GPR149: variants seen among roughly 807,000 people sequenced by gnomAD.
GPR149 encodes probable G protein-coupled receptor 149.
Under a neutral mutation model 50.2 loss-of-function variants are expected in GPR149, and 50 were observed. The observed-to-expected ratio is 1.00, with a 90% CI of 0.79 to 1.26. GPR149 has a LOEUF of 1.26. GPR149 is among the 50% of genes most tolerant of loss of function. The probability of loss-of-function intolerance (pLI) is 0.00; values close to 1 mark genes in which losing one functional copy is unlikely to be tolerated. For synonymous variants in GPR149, 405 were observed against 358.2 expected (o/e 1.13, Z -1.48); for missense variants, 983 against 895.4 (o/e 1.10, Z -1.25).
At chr3:154,366,334 T>C (rs575477499) in intron 3 of GPR149, among the ~76,000 whole-genome samples, 1 of 152,198 alleles carries the variant, frequency 6.6e-6, no homozygotes, top group African/African-American at 2.4e-5. Context: ...ACATGACAGA[T>C]AGCAGACCCT....
intron 3 of GPR149, among the ~76,000 whole-genome samples, chr3:154,420,499 C>T (rs987360304): frequency 4.6e-5 from 7 of 151,932 alleles, no homozygotes; most frequent in Admixed American, 2.0e-4. Context: ...TGCAAATGCT[C>T]ACGAGAATGT....
At chr3:154,361,088 C>A (rs1035545404) in intron 3 of GPR149, among the ~76,000 whole-genome samples, 1 of 152,062 alleles carries the variant, frequency 6.6e-6, no homozygotes, top group Non-Finnish European at 1.5e-5. Context: ...GACAAAGTCT[C>A]CAAAATCTTC....
intron 3 of GPR149, among the ~76,000 whole-genome samples, chr3:154,385,539 T>G (rs1015280956): frequency 6.6e-6 from 1 of 152,142 alleles, no homozygotes; most frequent in African/African-American, 2.4e-5. Context: ...GATTAGGCTT[T>G]TTACCAGCTG....
intron 3 of GPR149, among the ~76,000 whole-genome samples, chr3:154,407,616 G>A (rs1339035429): frequency 2.0e-5 from 3 of 151,490 alleles, no homozygotes; most frequent in Non-Finnish European, 2.9e-5. Flanking sequence ...TTAATATGGG[G>A]TGATTAATAT....
chr3:154,386,413 G>A (rs1311080287), intron 3 of GPR149, among the ~76,000 whole-genome samples: 1 of 152,230 alleles, frequency 6.6e-6, no homozygotes, highest in Non-Finnish European at 1.5e-5. Flanking sequence ...CATACCTGAT[G>A]TCAAGGGCAT....
At chr3:154,420,853 A>G (rs1309853787) in intron 3 of GPR149, among the ~76,000 whole-genome samples, 186 bp downstream of exon 3, 1 of 151,982 alleles carries the variant, frequency 6.6e-6, no homozygotes, top group Non-Finnish European at 1.5e-5. Flanking sequence ...TTTTAAACTG[A>G]TTAAAAGAAT....
At chr3:154,348,892 C>T (rs1713996879) in intron 3 of GPR149, among the ~76,000 whole-genome samples, 1 of 151,804 alleles carries the variant, frequency 6.6e-6, no homozygotes, top group Non-Finnish European at 1.5e-5. Context: ...TAAGACAAAC[C>T]CTAGGGAATT....
chr3:154,406,147 T>C (rs1402111814), intron 3 of GPR149, among the ~76,000 whole-genome samples: 2 of 152,040 alleles, frequency 1.3e-5, no homozygotes, highest in Admixed American at 1.3e-4. Context: ...AGATAGAAGT[T>C]CCTTAAATAT....
intron 3 of GPR149, among the ~76,000 whole-genome samples, chr3:154,397,457 G>A (rs9853300): frequency 0.25 from 38,419 of 152,006 alleles, 5,088 homozygotes; most frequent in South Asian, 0.32. Flanking sequence ...AATCTTGCAA[G>A]CTGATTATTA....
chr3:154,374,652 C>A (rs144965226), intron 3 of GPR149, among the ~76,000 whole-genome samples: 1 of 152,136 alleles, frequency 6.6e-6, no homozygotes, highest in African/African-American at 2.4e-5. Context: ...CATTGGCATG[C>A]CAAATTTATT....
rs1383954500 is a variant in GPR149 at position 154,337,940 on chromosome 3, A to C, written c.1955T>G (p.Leu652Arg). The C allele has an allele frequency of 1.2e-6, 2 of 1,613,342 alleles. No individual in the cohort carries two copies. Among genetic ancestry groups the C allele is most frequent in the Non-Finnish European group, 1.7e-6 (2 of 1,179,610 alleles). The stretch of plus-strand genomic sequence containing the variant: ...TCTGTTTTCTTTCCTGGAGTAACGT[A>C]GGGATGGAGATCTGACTTGTGTGGA... ...QSSTQVRSPS[L>R]RYSRKENRFV... The change falls in exon 4 of 4, where the codon CTA becomes CGA. Residue 652 changes from leucine (L) to arginine (R), a missense_variant. Coordinates refer to ENST00000389740, the MANE Select transcript of GPR149 (RefSeq NM_001038705.3).
In GPR149 at chr3:154,421,286, G is replaced by A. The variant is rs899808921; in HGVS notation, c.1376C>T (p.Thr459Met). Residue 459 changes from threonine to methionine, a missense_variant, in exon 3 of 4, where the codon ACG (threonine) becomes ATG (methionine). Coordinates refer to ENST00000389740, the MANE Select transcript of GPR149 (RefSeq NM_001038705.3). ...TTGTGTGGAGCTGTCCAGAGAGGGCGTGGTGCTGATTTCTACTTTTATAGC... is the reference window on the plus strand; with the variant it reads ...TTGTGTGGAGCTGTCCAGAGAGGGCATGGTGCTGATTTCTACTTTTATAGC... ...FNAIKVEIST[T>M]PSLDSSTQRG... 6 of 1,613,338 alleles carry A rather than the reference G, an allele frequency of 3.7e-6. No individual in the cohort carries two copies. Among genetic ancestry groups the A allele is most frequent in the Non-Finnish European group, 5.1e-6 (6 of 1,179,490 alleles).
At chr3:154,417,770 C>T (rs991835163) in intron 3 of GPR149, among the ~76,000 whole-genome samples, 4 of 152,052 alleles carry the variant, frequency 2.6e-5, no homozygotes, top group Admixed American at 2.6e-4. Context: ...AAAGTCCTTT[C>T]TAAGTCATCA....
At chr3:154,345,644 T>A (rs1181104058) in intron 3 of GPR149, among the ~76,000 whole-genome samples, 1 of 152,214 alleles carries the variant, frequency 6.6e-6, no homozygotes, top group African/African-American at 2.4e-5. Context: ...GATAATTGAT[T>A]CAGAGTTACT....
chr3:154,381,784 G>T (rs1294469904), intron 3 of GPR149, among the ~76,000 whole-genome samples: 2 of 152,084 alleles, frequency 1.3e-5, no homozygotes, highest in African/African-American at 4.8e-5. Context: ...GGAAAGCCTT[G>T]TTGATAAGTC....
intron 3 of GPR149, among the ~76,000 whole-genome samples, chr3:154,382,464 C>T (rs1042973473): frequency 1.2e-4 from 18 of 152,164 alleles, no homozygotes; most frequent in Non-Finnish European, 2.9e-5. Context: ...GGCTCGAGAT[C>T]CCATTGACAA....
intron 3 of GPR149, among the ~76,000 whole-genome samples, chr3:154,405,105 A>G (rs1009915266): frequency 7.2e-5 from 11 of 152,236 alleles, no homozygotes; most frequent in Admixed American, 2.6e-4. Flanking sequence ...AGCAATTTCT[A>G]TTTGCAGATG....
intron 2 of GPR149, 139 bp downstream of exon 2, chr3:154,427,377 T>C: frequency 6.2e-6 from 4 of 644,036 alleles, no homozygotes; most frequent in Non-Finnish European, 7.7e-6. Context: ...TTTCATGTTA[T>C]AATTTCTTCT....
At chr3:154,386,622 T>C (rs984830363) in intron 3 of GPR149, among the ~76,000 whole-genome samples, 2 of 152,196 alleles carry the variant, frequency 1.3e-5, no homozygotes, top group South Asian at 2.1e-4. Context: ...TCAGGAGATA[T>C]CACCTTCTAC....
Sources: gnomAD v4.1 joint callset for allele counts (sites outside exome capture counted in the v4.1 genomes callset) on GRCh38, gnomAD v4.1.1 for gene constraint, MANE v1.5 for transcripts, NCBI Gene and HGNC (gene_info 2026-07-23, HGNC 2026-07-21) for gene names.